Variants in CRYBG1 observed in about 807,000 individuals in gnomAD.
CRYBG1 encodes the protein crystallin beta-gamma domain containing 1.
In CRYBG1, 139 loss-of-function variants were observed where a neutral mutation model predicts 189.2. The ratio of observed to expected loss-of-function variants is 0.73; its 90% CI spans 0.64 to 0.85. The LOEUF is 0.85. Ranked by LOEUF, CRYBG1 falls within the 40% of genes least tolerant of loss-of-function variation. The pLI is 0.00. For missense variants in CRYBG1, 2,611 were observed against 2,675.8 expected (o/e 0.98, Z 0.53); for synonymous variants, 1,023 against 1,017.1 (o/e 1.01, Z -0.11).
chr6:106,540,791 T>G (rs1421944656), intron 9 of CRYBG1, among the ~76,000 whole-genome samples: 1 of 152,112 alleles, frequency 6.6e-6, no homozygotes, highest in Non-Finnish European at 1.5e-5. Context: ...GGTGGTACTT[T>G]TTTTTAAAAA....
intron 2 of CRYBG1, among the ~76,000 whole-genome samples, chr6:106,466,516 G>A (rs1340615): frequency 0.06 from 9,184 of 152,218 alleles, 506 homozygotes; most frequent in East Asian, 0.22. Flanking sequence ...AGCAAAAATG[G>A]AAGGGAATGA....
At chr6:106,362,845 C>A (rs1031938202) in intron 1 of CRYBG1, among the ~76,000 whole-genome samples, 2 of 152,102 alleles carry the variant, frequency 1.3e-5, no homozygotes, top group Non-Finnish European at 2.9e-5. Context: ...ACATTTCCAT[C>A]GTGGTTTTCC....
Position 106,511,771 on chromosome 6 carries a change from T to C in CRYBG1, c.654T>C (p.Ser218=), listed in dbSNP as rs1773264097. 2.6e-6 allele frequency: 4 copies of C among 1,534,650 alleles called. No homozygotes were observed. Among genetic ancestry groups the C allele is most frequent in the Non-Finnish European group, 3.5e-6 (4 of 1,146,368 alleles). The part of the protein sequence containing the change: ...DAELSPRWSS[S]AAAVAVQQCH... ...AGCTGTCACCTCGCTGGAGCAGCAG[T>C]GCAGCGGCTGTGGCTGTGCAGCAGT... The change falls in exon 3 of 22, where the codon AGT becomes AGC. Residue 218 remains serine (S), a synonymous_variant. Coordinates refer to ENST00000633556, the MANE Select transcript of CRYBG1 (RefSeq NM_001371242.2).
intron 1 of CRYBG1, among the ~76,000 whole-genome samples, chr6:106,407,921 A>C (rs1464512118): frequency 6.6e-6 from 1 of 152,172 alleles, no homozygotes; most frequent in Non-Finnish European, 1.5e-5. Context: ...AGAGAAAGCA[A>C]GAAAGATCTA....
chr6:106,394,791 AT>A (rs1400997826), intron 1 of CRYBG1, among the ~76,000 whole-genome samples: 1 of 152,056 alleles, frequency 6.6e-6, no homozygotes, highest in Non-Finnish European at 1.5e-5. Flanking sequence ...AAAGAAGAAT[AT>A]CCTTTAGTAG....
chr6:106,511,688 C>T lies in CRYBG1; in HGVS notation c.571C>T (p.Arg191Ter), dbSNP rs1052669750. 3.9e-6 allele frequency: 6 copies of T among 1,535,268 alleles called. No homozygotes were observed. Among genetic ancestry groups the T allele is most frequent in the African/African-American group, 2.7e-5 (2 of 72,960 alleles). Residue 191 changes from arginine to a stop codon, truncating the protein, a stop_gained, in exon 3 of 22, where the codon CGA becomes TGA. Transcript: ENST00000633556. LOFTEE classifies it high-confidence loss of function. Reference protein sequence around the residue: ...SEEGSPRENPREAEGELPESG... With the variant: ...SEEGSPRENP Reference sequence around the variant, plus strand: ...GGAGGGCTCCCCGCGGGAGAATCCCCGAGAGGCAGAGGGCGAGCTCCCCGA... The same window carrying T: ...GGAGGGCTCCCCGCGGGAGAATCCCTGAGAGGCAGAGGGCGAGCTCCCCGA...
intron 2 of CRYBG1, among the ~76,000 whole-genome samples, chr6:106,491,894 T>C (rs1288759424): frequency 2.0e-5 from 3 of 152,222 alleles, no homozygotes; most frequent in African/African-American, 7.2e-5. Flanking sequence ...TCAATCATAC[T>C]TATTCAACCT....
At position 106,395,053 on chromosome 6, in the gene CRYBG1, C is replaced by T. The variant is rs921418006; in HGVS notation, c.173+33972C>T. 4.0e-5 allele frequency among the ~76,000 whole-genome samples: 6 copies of T among 150,716 alleles called. No homozygotes were observed. In the East Asian group the frequency reaches 7.8e-4, roughly 20 times the overall value. Reference sequence around the variant, plus strand: ...TATATATATTTTATAAAATTTCTACCGTCTTTCAATTTTCAAATGTATTAA... The same window carrying T: ...TATATATATTTTATAAAATTTCTACTGTCTTTCAATTTTCAAATGTATTAA... On this transcript the variant is annotated intron_variant, in intron 1 of 21. Transcript: ENST00000633556.
chr6:106,519,019 A>G, intron 3 of CRYBG1, 112 bp from the exon 4 acceptor site: 1 of 1,039,662 alleles, frequency 9.6e-7, no homozygotes, highest in Non-Finnish European at 1.4e-6. Flanking sequence ...CACACTCCAA[A>G]TGTTATATAT....
intron 20 of CRYBG1, among the ~76,000 whole-genome samples, chr6:106,561,724 T>C (rs569744334): frequency 6.6e-6 from 1 of 152,328 alleles, no homozygotes; most frequent in African/African-American, 2.4e-5. Context: ...AGATAGAATA[T>C]TTATTTCTAT....
chr6:106,538,271 A>C (rs912155247), intron 8 of CRYBG1, among the ~76,000 whole-genome samples: 1 of 152,218 alleles, frequency 6.6e-6, no homozygotes, highest in East Asian at 1.9e-4. Flanking sequence ...AAGACCTTGT[A>C]AAGTTTAGAG....
At chr6:106,516,849 A>T (rs6938452) in intron 3 of CRYBG1, among the ~76,000 whole-genome samples, 2 of 151,766 alleles carry the variant, frequency 1.3e-5, no homozygotes, top group African/African-American at 4.8e-5. Context: ...GTTACTTCTC[A>T]ACACTTCAAC....
chr6:106,495,533 T>TGG (rs376052430), intron 2 of CRYBG1, among the ~76,000 whole-genome samples: 3 of 150,288 alleles, frequency 2.0e-5, no homozygotes, highest in Non-Finnish European at 4.4e-5. Context: ...CTGGTAGTTT[T>TGG]GGGGGGGCTC....
chr6:106,437,399 G>C (rs1771479566), intron 1 of CRYBG1, among the ~76,000 whole-genome samples: 1 of 151,510 alleles, frequency 6.6e-6, no homozygotes, highest in Non-Finnish European at 1.5e-5. Context: ...TTTTTGCATA[G>C]TAAAACTACC....
At chr6:106,361,969 CTTT>C (rs200251504) in intron 1 of CRYBG1, among the ~76,000 whole-genome samples, 4 of 112,358 alleles carry the variant, frequency 3.6e-5, no homozygotes, top group South Asian at 2.9e-4. Context: ...TTCTTTCTTT[CTTT>C]TTTTTTTTTT....
rs200844028 is a variant in CRYBG1 at position 106,520,089 on chromosome 6, G to A, written c.2881G>A (p.Val961Met). 37 of 1,614,066 alleles carry A rather than the reference G, an allele frequency of 2.3e-5. No homozygotes were observed. Among genetic ancestry groups the A allele is most frequent in the East Asian group, 4.5e-5 (2 of 44,878 alleles). Residue 961 changes from valine to methionine, a missense_variant, in exon 4 of 22, where the codon GTG becomes ATG. Physicochemically the swap from Val to Met is conservative, Grantham distance 21. Around this residue, in one of 3 missense-constraint regions of CRYBG1, gnomAD observed 1,622 missense variants for 1,735.0 expected, o/e 0.93. Coordinates refer to ENST00000633556, the MANE Select transcript of CRYBG1 (RefSeq NM_001371242.2). The stretch of plus-strand genomic sequence containing the variant: ...AGTCCTCGTCCAGGTCAGGTCCTTC[G>A]TGCTCCCCGTGGAGAGCACCCAGGA... ...SRVLVQVRSF[V>M]LPVESTQDVS...
intron 2 of CRYBG1, among the ~76,000 whole-genome samples, chr6:106,475,935 C>A (rs985849014): frequency 1.3e-5 from 2 of 152,158 alleles, no homozygotes; most frequent in African/African-American, 2.4e-5. Context: ...ATATCACCAA[C>A]AATTTCCACT....
intron 3 of CRYBG1, 21 bp downstream of exon 3, chr6:106,513,060 C>G (rs1359263039): frequency 1.3e-6 from 2 of 1,587,872 alleles, no homozygotes; most frequent in Non-Finnish European, 1.7e-6. Flanking sequence ...GCGCAAGTCC[C>G]GGCCGAGTTG....
chr6:106,396,687 A>G lies in CRYBG1; in HGVS notation c.173+35606A>G, dbSNP rs547775829. On this transcript the variant is annotated intron_variant, in intron 1 of 21. Coordinates refer to ENST00000633556, the MANE Select transcript of CRYBG1 (RefSeq NM_001371242.2). Reference sequence around the variant, plus strand: ...ACAAGACCTCAGGGCAACACCTGCTATTGAAACATAGAAATTTGGAGTCTT... The same window carrying G: ...ACAAGACCTCAGGGCAACACCTGCTGTTGAAACATAGAAATTTGGAGTCTT... Among the ~76,000 whole-genome samples, 22 of 152,294 alleles carry G rather than the reference A, an allele frequency of 1.4e-4. No homozygotes were observed. The South Asian group carries it at 4.6e-3, about 32-fold the overall frequency.
Sources: allele counts gnomAD v4.1 joint callset (sites outside exome capture counted in the v4.1 genomes callset), GRCh38; gene constraint gnomAD v4.1.1; regional missense constraint gnomAD v4.1.1; transcripts MANE v1.5; gene names NCBI Gene and HGNC (gene_info 2026-07-23, HGNC 2026-07-21).